CA7: variants seen among roughly 807,000 people sequenced by gnomAD.
The protein encoded by CA7 is carbonate dehydratase VII.
Under a neutral mutation model 31.4 loss-of-function variants are expected in CA7, and 13 were observed. The observed-to-expected ratio is 0.41, with a 90% confidence interval of 0.27 to 0.66. CA7 has a LOEUF of 0.66. Ranked by LOEUF, CA7 falls within the 30% of genes least tolerant of loss-of-function variation. The pLI is 0.28. For synonymous variants in CA7, 128 were observed against 133.2 expected (o/e 0.96, Z 0.27); for missense variants, 215 against 351.0 (o/e 0.61, Z 3.10).
intron 3 of CA7, 135 bp from the exon 4 acceptor site, chr16:66,851,328 T>A (rs1961043581): frequency 1.3e-6 from 1 of 799,442 alleles, no homozygotes; most frequent in Admixed American, 2.2e-5. Context: ...CCCCCCAGCA[T>A]CCTAATCCTT....
chr16:66,852,702 C>G lies in CA7; in HGVS notation c.517-10C>G. ...TATGCTGATTCCTGGGTTCCTCCAC[C>G]TTGTTCCAGGGCACCAAAGCCCAGT... On this transcript the variant is annotated splice_polypyrimidine_tract_variant and intron_variant, in intron 5 of 6. Transcript: ENST00000338437. 6.2e-7 allele frequency: 1 copy of G among 1,610,094 alleles called. No individual in the cohort carries two copies. The highest frequency in any genetic ancestry group is 8.5e-7 in the Non-Finnish European group (1 of 1,177,462).
chr16:66,844,604 C>A, intron 1 of CA7, 77 bp downstream of exon 1: 1 of 1,299,154 alleles, frequency 7.7e-7, no homozygotes, highest in Non-Finnish European at 1.1e-6. Context: ...TCTTGCCCAG[C>A]TGGTTTCCCA....
Position 66,844,520 on chromosome 16 carries a change from G to C in CA7, c.33G>C (p.Gln11His). ...GCCACCACGGCTGGGGCTACGGCCA[G>C]GACGACGGTAGGCACAGACCTCCCC... is the stretch of plus-strand genomic sequence containing the variant. Reference protein sequence around the residue: MTGHHGWGYGQDDGPSHWHKL... With the variant: MTGHHGWGYGHDDGPSHWHKL... Residue 11 changes from glutamine (Q) to histidine (H), a missense_variant, in exon 1 of 7, where the codon CAG (glutamine) becomes CAC (histidine). Gln to His is a conservative substitution (Grantham distance 24, BLOSUM62 0). Coordinates refer to ENST00000338437, the MANE Select transcript of CA7 (RefSeq NM_005182.3). 6.5e-7 allele frequency: 1 copy of C among 1,543,826 alleles called. No homozygotes were observed. Among genetic ancestry groups the C allele is most frequent in the Non-Finnish European group, 8.7e-7 (1 of 1,144,368 alleles).
chr16:66,848,187 T>C (rs1960967441), intron 2 of CA7, among the ~76,000 whole-genome samples: 1 of 152,200 alleles, frequency 6.6e-6, no homozygotes, highest in African/African-American at 2.4e-5. Context: ...CTGAGTTCCC[T>C]GGTAGGCTAG....
intron 1 of CA7, chr16:66,845,301 A>T: frequency 5.4e-6 from 4 of 737,994 alleles, no homozygotes; most frequent in Non-Finnish European, 5.0e-6. Context: ...TTTCTTACCA[A>T]GCAGGGGTGG....
At chr16:66,847,268 C>T (rs967022072) in intron 2 of CA7, 41 bp downstream of exon 2, 1 of 1,568,974 alleles carries the variant, frequency 6.4e-7, no homozygotes, top group African/African-American at 1.4e-5. Flanking sequence ...GGCCCCTGGC[C>T]CCTTAGGGTC....
intron 1 of CA7, chr16:66,845,138 C>T (rs12102712): frequency 0.012 from 11,456 of 985,598 alleles, 267 homozygotes; most frequent in African/African-American, 0.094. Context: ...CGTGGGAGCC[C>T]GTGGCCCACA....
chr16:66,846,218 T>TTA (rs1486889479), intron 1 of CA7, among the ~76,000 whole-genome samples: 1 of 151,772 alleles, frequency 6.6e-6, no homozygotes, highest in Admixed American at 6.6e-5. Flanking sequence ...GGCATGTGTT[T>TTA]TGCTGTGGTC....
intron 2 of CA7, among the ~76,000 whole-genome samples, chr16:66,849,718 G>A (rs1960999610): frequency 6.6e-6 from 1 of 152,110 alleles, no homozygotes; most frequent in Non-Finnish European, 1.5e-5. Context: ...TAGATAGAGA[G>A]CTGTCCTCTG....
rs958136297 is a variant in CA7 at position 66,853,347 on chromosome 16, G to T, written c.673-29G>T. Reference sequence around the variant, plus strand: ...TAGAGGACCACAGCACCCCCAATCTGCCCTGAGCATTCCTTCTGCTTCCTC... The same window carrying T: ...TAGAGGACCACAGCACCCCCAATCTTCCCTGAGCATTCCTTCTGCTTCCTC... On this transcript the variant is annotated intron_variant, in intron 6 of 6. Transcript: ENST00000338437. The surrounding 1 kb of genome is among the most constrained non-coding windows in gnomAD (Gnocchi z 4.5). The T allele has an allele frequency of 6.2e-7, 1 of 1,613,828 alleles. No homozygotes were observed. The highest frequency in any genetic ancestry group is 8.5e-7 in the Non-Finnish European group (1 of 1,179,846).
At chr16:66,850,502 T>G in intron 2 of CA7, 39 bp from the exon 3 acceptor site, 3 of 1,175,242 alleles carry the variant, frequency 2.6e-6, no homozygotes, top group Non-Finnish European at 3.8e-6. Context: ...CTGTCGGTCC[T>G]CTCCTACTCA....
intron 1 of CA7, 101 bp downstream of exon 1, chr16:66,844,628 C>A: frequency 1.9e-6 from 2 of 1,057,718 alleles, no homozygotes; most frequent in Non-Finnish European, 2.7e-6. Flanking sequence ...CGGAAAGCTC[C>A]CACACTCCAG....
intron 1 of CA7, 72 bp downstream of exon 1, chr16:66,844,599 C>T (rs1960884660): frequency 1.5e-6 from 2 of 1,330,240 alleles, no homozygotes; most frequent in Admixed American, 2.2e-5. Flanking sequence ...AACCCTCTTG[C>T]CCAGCTGGTT....
chr16:66,844,444 C>A lies in CA7; in HGVS notation c.-44C>A. 1 of 1,514,626 alleles carries A rather than the reference C, an allele frequency of 6.6e-7. No homozygotes were observed. Among genetic ancestry groups the A allele is most frequent in the East Asian group, 2.6e-5 (1 of 38,644 alleles). 93.8% of individuals were successfully genotyped at this position (1,514,626 alleles called of 1,614,324 possible). A position where few individuals can be genotyped will look rare whatever the true frequency, so the allele number is the denominator to read the frequency against. On this transcript the variant is annotated 5_prime_UTR_variant, in exon 1 of 7. Coordinates refer to ENST00000338437, the MANE Select transcript of CA7 (RefSeq NM_005182.3). The stretch of plus-strand genomic sequence containing the variant: ...CGGAGCCGCAGCCCGAACGAGCGGA[C>A]CGAGCCGACCGGGCAGGTGCACGGC...
chr16:66,853,571 A>G lies in CA7; in HGVS notation c.*73A>G. 1 of 1,585,294 alleles carries G rather than the reference A, an allele frequency of 6.3e-7. No homozygotes were observed. Among genetic ancestry groups the G allele is most frequent in the Non-Finnish European group, 8.6e-7 (1 of 1,165,240 alleles). On this transcript the variant is annotated 3_prime_UTR_variant, in exon 7 of 7. Coordinates refer to ENST00000338437, the MANE Select transcript of CA7 (RefSeq NM_005182.3). The surrounding 1 kb of genome is among the most constrained non-coding windows in gnomAD (Gnocchi z 4.5). The stretch of plus-strand genomic sequence containing the variant: ...CTTCCATGTCAGCAGACACCAAACC[A>G]TCTGAGGCTTCCTCCCTGGGGGGTG...
Position 66,850,599 on chromosome 16 carries a change from G to A in CA7, c.297G>A (p.Trp99Ter). Residue 99 changes from tryptophan (W) to a stop codon, truncating the protein, a stop_gained, in exon 3 of 7, where the codon TGG (tryptophan) becomes TGA (stop). Coordinates refer to ENST00000338437, the MANE Select transcript of CA7 (RefSeq NM_005182.3). LOFTEE classifies it high-confidence loss of function. ...PYRLKQFHFH[W>*]GKKHDVGSEH... ...GCCTCAAGCAGTTTCACTTCCACTG[G>A]GGCAAGAAGCACGATGTGGGTTCTG... 2 of 1,614,132 alleles carry A rather than the reference G, an allele frequency of 1.2e-6. No homozygotes were observed. The highest frequency in any genetic ancestry group is 1.7e-6 in the Non-Finnish European group (2 of 1,179,994).
chr16:66,846,030 G>T (rs1960921387), intron 1 of CA7, among the ~76,000 whole-genome samples: 1 of 152,156 alleles, frequency 6.6e-6, no homozygotes, highest in Non-Finnish European at 1.5e-5. Context: ...AACTTAAGAA[G>T]CCAAAAAGGG....
chr16:66,844,600 C>A, intron 1 of CA7, 73 bp downstream of exon 1: 1 of 1,329,388 alleles, frequency 7.5e-7, no homozygotes, highest in Non-Finnish European at 1.0e-6. Context: ...ACCCTCTTGC[C>A]CAGCTGGTTT....
intron 2 of CA7, among the ~76,000 whole-genome samples, chr16:66,848,725 C>A (rs375559798): frequency 2.0e-5 from 3 of 152,172 alleles, no homozygotes; most frequent in African/African-American, 4.8e-5. Context: ...TGTGTGTGAA[C>A]TGGGGGAGGA....
Sources: gnomAD v4.1 joint callset for allele counts (sites outside exome capture counted in the v4.1 genomes callset) on GRCh38, gnomAD v4.1.1 for gene constraint, Gnocchi (gnomAD v3.1) non-coding constraint, MANE v1.5 for transcripts, NCBI Gene and HGNC (gene_info 2026-07-23, HGNC 2026-07-21) for gene names.